PMF1: variants seen among roughly 807,000 people sequenced by gnomAD.
PMF1 encodes polyamine modulated factor 1.
Under a neutral mutation model 26.7 loss-of-function variants are expected in PMF1, and 21 were observed. The ratio of observed to expected loss-of-function variants is 0.79; its 90% confidence interval spans 0.56 to 1.13. PMF1 has a LOEUF of 1.13. PMF1 is among the 50% of genes most tolerant of loss of function. PMF1 has a pLI of 0.00. For missense variants in PMF1, 266 were observed against 254.9 expected, an observed-to-expected ratio of 1.04 and a Z score of -0.30; for synonymous variants, 105 against 101.0, an observed-to-expected ratio of 1.04 and a Z score of -0.24.
chr1:156,236,297 C>A lies in PMF1; in HGVS notation c.378C>A (p.Ser126Arg). The stretch of plus-strand genomic sequence containing the variant: ...CCGTGTGGCCCTCCAGGCGCCCCAG[C>A]GGGATCCCAGAGAAGGATCTGCACA... ...KVRKEPAWRPSGIPEKDLHSV... is the reference protein window; with the variant it reads ...KVRKEPAWRPRGIPEKDLHSV... The change falls in exon 4 of 5, where the codon AGC becomes AGA. Residue 126 changes from serine to arginine, a missense_variant. Ser to Arg is a moderately radical substitution (Grantham distance 110, BLOSUM62 -1). Coordinates refer to ENST00000368277, the MANE Select transcript of PMF1 (RefSeq NM_007221.4). The A allele has an allele frequency of 6.2e-7, 1 of 1,608,012 alleles. No homozygotes were observed.
intron 3 of PMF1, among the ~76,000 whole-genome samples, chr1:156,235,539 TC>T (rs1658961863): frequency 7.0e-6 from 1 of 143,870 alleles, no homozygotes; most frequent in Non-Finnish European, 1.5e-5. Flanking sequence ...CCTCCTGGGT[TC>T]ACGCCATTCT....
At chr1:156,224,588 C>T (rs1186025835) in intron 1 of PMF1, among the ~76,000 whole-genome samples, 3 of 151,794 alleles carry the variant, frequency 2.0e-5, no homozygotes, top group Admixed American at 6.6e-5. Flanking sequence ...CACGGTGAAA[C>T]CCCGTCTCTA....
chr1:156,236,601 C>A (rs1031086642), intron 4 of PMF1, 118 bp downstream of exon 4: 2 of 1,336,524 alleles, frequency 1.5e-6, no homozygotes, highest in Admixed American at 2.6e-5. Context: ...GGAGAGCTTG[C>A]CCCCTGGGGA....
chr1:156,221,593 G>A (rs1426727768), intron 1 of PMF1, among the ~76,000 whole-genome samples: 1 of 152,164 alleles, frequency 6.6e-6, no homozygotes, highest in African/African-American at 2.4e-5. Flanking sequence ...CTGGTATACA[G>A]GAGGCATTCA....
At chr1:156,222,393 T>TC (rs397956817) in intron 1 of PMF1, among the ~76,000 whole-genome samples, 1 of 151,960 alleles carries the variant, frequency 6.6e-6, no homozygotes, top group African/African-American at 2.4e-5. Flanking sequence ...CTTTTTTTTT[T>TC]CTTTTTGAGA....
At chr1:156,216,640 C>T (rs1364804190) in intron 1 of PMF1, among the ~76,000 whole-genome samples, 1 of 151,754 alleles carries the variant, frequency 6.6e-6, no homozygotes, top group Non-Finnish European at 1.5e-5. Context: ...CTCTGACCCA[C>T]CCGGGGGCGG....
intron 1 of PMF1, among the ~76,000 whole-genome samples, chr1:156,221,335 G>A (rs1003483896): frequency 5.3e-5 from 8 of 152,188 alleles, no homozygotes; most frequent in African/African-American, 1.9e-4. Context: ...CTTGCTGTTT[G>A]CTCTGCCAAG....
Position 156,230,868 on chromosome 1 carries a change from G to A in PMF1, c.162-1452G>A, listed in dbSNP as rs117202276. On this transcript the variant is annotated intron_variant, in intron 1 of 4. Coordinates refer to ENST00000368277, the MANE Select transcript of PMF1 (RefSeq NM_007221.4). ...CTTGAGCCCAGGAGTTTTTTGAGACGAGTCTGGGCAATACAGTGAGACCGC... is the reference window on the plus strand; with the variant it reads ...CTTGAGCCCAGGAGTTTTTTGAGACAAGTCTGGGCAATACAGTGAGACCGC... Among the ~76,000 whole-genome samples the A allele has an allele frequency of 5.7e-4, 86 of 151,608 alleles. 1 individual carries two copies. The East Asian group carries it at 0.013, about 24-fold the overall frequency.
At chr1:156,214,964 A>T (rs969715123) in intron 1 of PMF1, among the ~76,000 whole-genome samples, 16 of 150,098 alleles carry the variant, frequency 1.1e-4, no homozygotes, top group Non-Finnish European at 1.6e-4. Flanking sequence ...TGTAGTCTCC[A>T]CCTGCCGGGT....
At chr1:156,238,385 G>A (rs139167697) in intron 4 of PMF1, among the ~76,000 whole-genome samples, 96 of 152,292 alleles carry the variant, frequency 6.3e-4, no homozygotes, top group African/African-American at 1.4e-3. Flanking sequence ...AAAGTGGCCC[G>A]ACATCACTTG....
intron 1 of PMF1, among the ~76,000 whole-genome samples, chr1:156,216,861 G>C (rs930128100): frequency 1.3e-5 from 2 of 152,222 alleles, no homozygotes; most frequent in African/African-American, 4.8e-5. Flanking sequence ...CTCCCGGGGG[G>C]CTCTAATGTG....
intron 4 of PMF1, among the ~76,000 whole-genome samples, chr1:156,238,369 CT>C (rs1223243034): frequency 6.6e-6 from 1 of 152,210 alleles, no homozygotes; most frequent in African/African-American, 2.4e-5. Flanking sequence ...GCGAACTTAA[CT>C]TTTGAAAGTG....
chr1:156,237,444 G>GTA (rs1361219290), intron 4 of PMF1, among the ~76,000 whole-genome samples: 1 of 96,566 alleles, frequency 1.0e-5, no homozygotes, highest in Non-Finnish European at 2.3e-5. Context: ...GTTATTTTTT[G>GTA]TCTTTTTTTT....
At chr1:156,230,074 T>C (rs369541287) in intron 1 of PMF1, among the ~76,000 whole-genome samples, 168 of 152,314 alleles carry the variant, frequency 1.1e-3, no homozygotes, top group African/African-American at 3.9e-3. Context: ...GTGAGGAGGC[T>C]TAAAGAGCCA....
intron 1 of PMF1, among the ~76,000 whole-genome samples, chr1:156,216,119 A>C (rs914504455): frequency 1.3e-5 from 2 of 152,026 alleles, no homozygotes; most frequent in Admixed American, 1.3e-4. Context: ...AGCCTGGCGC[A>C]GTGGCTCACA....
At chr1:156,213,611 C>T (rs970527504) in intron 1 of PMF1, among the ~76,000 whole-genome samples, 4 of 152,052 alleles carry the variant, frequency 2.6e-5, no homozygotes, top group East Asian at 3.9e-4. Context: ...ACTACAGGCT[C>T]GTGCTCCCGC....
intron 1 of PMF1, among the ~76,000 whole-genome samples, chr1:156,213,516 G>T (rs1249757553): frequency 6.6e-6 from 1 of 152,180 alleles, no homozygotes; most frequent in African/African-American, 2.4e-5. Context: ...TTGTCGCCCA[G>T]GCTGGAGTGC....
chr1:156,236,552 C>T (rs776083894), intron 4 of PMF1, 69 bp downstream of exon 4: 10 of 1,513,562 alleles, frequency 6.6e-6, no homozygotes, highest in East Asian at 2.5e-5. Flanking sequence ...AAATTGGTGG[C>T]TTCCTCCATT....
intron 4 of PMF1, chr1:156,237,026 C>CTT (rs1401148515): frequency 6.5e-6 from 1 of 153,846 alleles, no homozygotes; most frequent in African/African-American, 2.4e-5. Context: ...GTGTTCATCA[C>CTT]TTTGAGTATT....
Sources: gnomAD v4.1 joint callset for allele counts (sites outside exome capture counted in the v4.1 genomes callset) on GRCh38, gnomAD v4.1.1 for gene constraint, MANE v1.5 for transcripts, NCBI Gene and HGNC (gene_info 2026-07-23, HGNC 2026-07-21) for gene names.